RBM47: variants seen among roughly 807,000 people sequenced by gnomAD.
RBM47 encodes RNA-binding protein 47.
A neutral mutation model predicts 47.1 loss-of-function variants in RBM47; 21 were observed. The observed-to-expected ratio is 0.45, with a 90% CI of 0.32 to 0.64. The LOEUF is 0.64. Ranked by LOEUF, RBM47 falls within the 30% of genes least tolerant of loss-of-function variation. RBM47 has a pLI of 0.05. For missense variants in RBM47, 708 were observed against 870.9 expected, an observed-to-expected ratio of 0.81 and a Z score of 2.35; for synonymous variants, 375 against 361.7, an observed-to-expected ratio of 1.04 and a Z score of -0.42.
intron 1 of RBM47, among the ~76,000 whole-genome samples, chr4:40,577,772 T>C (rs1378516852): frequency 6.6e-6 from 1 of 152,136 alleles, no homozygotes; most frequent in Non-Finnish European, 1.5e-5. Flanking sequence ...TTTTTCCTAC[T>C]TCAGCACATA....
At chr4:40,526,233 G>A (rs1002887544) in intron 2 of RBM47, among the ~76,000 whole-genome samples, 2 of 152,130 alleles carry the variant, frequency 1.3e-5, no homozygotes, top group African/African-American at 4.8e-5. Flanking sequence ...TCAGAACACG[G>A]GATCCTGCCT....
intron 2 of RBM47, among the ~76,000 whole-genome samples, chr4:40,475,453 C>T (rs192352226): frequency 6.6e-5 from 10 of 152,234 alleles, no homozygotes; most frequent in Admixed American, 5.2e-4. Flanking sequence ...AAGTGAAAAG[C>T]TGTTAGAAAA....
At chr4:40,620,248 C>T (rs1191040257) in intron 1 of RBM47, among the ~76,000 whole-genome samples, 5 of 149,470 alleles carry the variant, frequency 3.3e-5, no homozygotes, top group Non-Finnish European at 7.4e-5. Flanking sequence ...TGGCTCACAC[C>T]TGTAATCCCA....
At position 40,432,710 on chromosome 4, in the gene RBM47, C is replaced by T. The variant is rs749771006; in HGVS notation, c.1483G>A (p.Ala495Thr). Residue 495 changes from alanine to threonine, a missense_variant, in exon 6 of 7, where the codon GCG (alanine) becomes ACG (threonine). Coordinates refer to ENST00000295971, the MANE Select transcript of RBM47 (RefSeq NM_001098634.2). ...ACAGCGGCTGCGGCGGCTGCGGCCG[C>T]GGCTGCGGCGGCAGCAGCACTGGCT... ...DPASAAAAAAAAAAAAAAVIP... is the reference protein window; with the variant it reads ...DPASAAAAAATAAAAAAAVIP... 5.8e-5 allele frequency: 93 copies of T among 1,607,372 alleles called. No homozygotes were observed. The highest frequency in any genetic ancestry group is 2.0e-4 in the Middle Eastern group (1 of 4,974).
chr4:40,598,600 C>T (rs935583239), intron 1 of RBM47, among the ~76,000 whole-genome samples: 1 of 151,626 alleles, frequency 6.6e-6, no homozygotes, highest in Admixed American at 6.6e-5. Context: ...AAAGAAGAGA[C>T]AAATAAATAA....
intron 6 of RBM47, among the ~76,000 whole-genome samples, chr4:40,431,219 T>C (rs1409314203): frequency 2.0e-5 from 3 of 152,210 alleles, no homozygotes; most frequent in East Asian, 1.9e-4. Flanking sequence ...TTCTGTTAAA[T>C]GGATGTCCTC....
At chr4:40,539,318 T>C (rs1238708971) in intron 2 of RBM47, among the ~76,000 whole-genome samples, 1 of 152,202 alleles carries the variant, frequency 6.6e-6, no homozygotes, top group African/African-American at 2.4e-5. Flanking sequence ...CTCAGTTGTT[T>C]GACCTTTGGG....
At chr4:40,427,955 T>C (rs1318944369) in intron 6 of RBM47, among the ~76,000 whole-genome samples, 7 of 150,674 alleles carry the variant, frequency 4.6e-5, no homozygotes, top group East Asian at 3.9e-4. Flanking sequence ...CTTTGGGAGG[T>C]TGAGGTAGGA....
intron 2 of RBM47, among the ~76,000 whole-genome samples, chr4:40,517,262 G>A (rs982715463): frequency 3.3e-5 from 5 of 152,040 alleles, no homozygotes; most frequent in Non-Finnish European, 5.9e-5. Context: ...AGCCTCCTGC[G>A]TAGCTGGGAT....
intron 1 of RBM47, among the ~76,000 whole-genome samples, chr4:40,601,650 T>C (rs1735293288): frequency 6.6e-6 from 1 of 152,206 alleles, no homozygotes; most frequent in African/African-American, 2.4e-5. Flanking sequence ...GCTTGCTTGT[T>C]TGTTGGCTTG....
intron 2 of RBM47, among the ~76,000 whole-genome samples, chr4:40,509,758 C>A (rs112911453): frequency 3.3e-5 from 5 of 151,048 alleles, no homozygotes; most frequent in Non-Finnish European, 4.4e-5. Flanking sequence ...TGGTGGCGGG[C>A]GCCTGTAGTC....
At chr4:40,525,625 T>A (rs1266309510) in intron 2 of RBM47, among the ~76,000 whole-genome samples, 1 of 151,632 alleles carries the variant, frequency 6.6e-6, no homozygotes, top group African/African-American at 2.4e-5. Flanking sequence ...GAGGAAAGAA[T>A]GGGACAAAGA....
At chr4:40,581,077 A>G (rs1732856891) in intron 1 of RBM47, among the ~76,000 whole-genome samples, 2 of 152,214 alleles carry the variant, frequency 1.3e-5, no homozygotes, top group South Asian at 4.1e-4. Context: ...GCCAGAGGTC[A>G]TGAGCTGAAA....
In RBM47 at chr4:40,585,353, G is replaced by A. The variant is rs997594568; in HGVS notation, c.-239-40847C>T. On this transcript the variant is annotated intron_variant, in intron 1 of 6. Transcript: ENST00000295971. ...AGTTCCTTTGAGCCTAATTCATATG[G>A]ATCTTCCATTTCAGAGCCCCAGAAC... 2.0e-5 allele frequency among the ~76,000 whole-genome samples: 3 copies of A among 152,286 alleles called. No homozygotes were observed. The East Asian group carries it at 5.8e-4, about 29-fold the overall frequency.
chr4:40,479,371 G>A (rs1560403876), intron 2 of RBM47, among the ~76,000 whole-genome samples: 1 of 152,142 alleles, frequency 6.6e-6, no homozygotes, highest in Non-Finnish European at 1.5e-5. Context: ...GGGAGGCCAG[G>A]ACAGGAGGAT....
chr4:40,479,876 C>T (rs1404523327), intron 2 of RBM47, among the ~76,000 whole-genome samples: 2 of 152,024 alleles, frequency 1.3e-5, no homozygotes, highest in Admixed American at 1.3e-4. Flanking sequence ...CTCCTACATA[C>T]AGCCCTTGTC....
intron 1 of RBM47, among the ~76,000 whole-genome samples, chr4:40,577,691 G>A (rs1732476241): frequency 6.7e-6 from 1 of 149,694 alleles, no homozygotes; most frequent in African/African-American, 2.5e-5. Flanking sequence ...CAAAGAAACA[G>A]GAATGCAACA....
intron 1 of RBM47, among the ~76,000 whole-genome samples, chr4:40,593,057 G>A (rs1235248061): frequency 7.4e-5 from 9 of 121,350 alleles, no homozygotes; most frequent in Non-Finnish European, 1.4e-4. Context: ...GTCCGGTGGC[G>A]CGATTTTGGC....
intron 2 of RBM47, among the ~76,000 whole-genome samples, chr4:40,532,225 T>C (rs1172868490): frequency 6.6e-6 from 1 of 151,000 alleles, no homozygotes; most frequent in Non-Finnish European, 1.5e-5. Context: ...TTAGCCAGGA[T>C]GGTCTCGATC....
Sources: gnomAD v4.1 joint callset for allele counts (sites outside exome capture counted in the v4.1 genomes callset) on GRCh38, gnomAD v4.1.1 for gene constraint, MANE v1.5 for transcripts, NCBI Gene and HGNC (gene_info 2026-07-23, HGNC 2026-07-21) for gene names.